The following HERC4 variants were observed in gnomAD, a reference collection of about 807,000 sequenced individuals.
HERC4 encodes the protein HECT and RLD domain containing E3 ubiquitin protein ligase 4, also known as probable E3 ubiquitin-protein ligase HERC4.
HERC4 carries 28 observed loss-of-function variants against 124.3 expected under a neutral mutation model. The observed-to-expected ratio is 0.23, with a 90% CI of 0.17 to 0.31. HERC4 has a LOEUF of 0.31. Among genes scored for constraint, HERC4 ranks in the 10% least tolerant of loss-of-function variants. The pLI, the probability that HERC4 is intolerant of heterozygous loss-of-function variation, is 1.00. For synonymous variants in HERC4, 407 were observed against 421.5 expected, an observed-to-expected ratio of 0.97 and a Z score of 0.42; for missense variants, 713 against 1,229.3, an observed-to-expected ratio of 0.58 and a Z score of 6.28.
At chr10:67,970,629 A>G (rs1016669167) in intron 15 of HERC4, among the ~76,000 whole-genome samples, 2 of 151,984 alleles carry the variant, frequency 1.3e-5, no homozygotes. Flanking sequence ...ACAAAACAAA[A>G]AAGTGTCTAG....
At chr10:68,023,854 G>C (rs879236597) in intron 8 of HERC4, among the ~76,000 whole-genome samples, 2 of 151,996 alleles carry the variant, frequency 1.3e-5, no homozygotes, top group Non-Finnish European at 2.9e-5. Context: ...CATGTAAAAG[G>C]CAACACTATG....
intron 9 of HERC4, among the ~76,000 whole-genome samples, chr10:68,000,236 G>C (rs1455831198): frequency 6.6e-6 from 1 of 152,084 alleles, no homozygotes; most frequent in African/African-American, 2.4e-5. Context: ...GTAAAGATTA[G>C]CTCAGCAGGT....
chr10:67,937,432 A>G (rs1401956732), intron 21 of HERC4, among the ~76,000 whole-genome samples: 5 of 152,180 alleles, frequency 3.3e-5, no homozygotes, highest in African/African-American at 1.2e-4. Context: ...ATATAGTAAG[A>G]ATTCACAAAT....
chr10:68,057,771 A>G (rs1395611297), intron 3 of HERC4, among the ~76,000 whole-genome samples: 1 of 151,776 alleles, frequency 6.6e-6, no homozygotes, highest in African/African-American at 2.4e-5. Context: ...CAGTGGTGCA[A>G]TCACTGCAAC....
At chr10:67,982,630 T>C (rs2035999441) in intron 15 of HERC4, among the ~76,000 whole-genome samples, 1 of 152,030 alleles carries the variant, frequency 6.6e-6, no homozygotes, top group African/African-American at 2.4e-5. Context: ...CGGGATTACA[T>C]TAAATTAAAA....
At chr10:67,996,672 T>A (rs182561736) in intron 9 of HERC4, among the ~76,000 whole-genome samples, 1 of 152,138 alleles carries the variant, frequency 6.6e-6, no homozygotes, top group African/African-American at 2.4e-5. Flanking sequence ...ATAGAAAACA[T>A]CTTAGTATTA....
chr10:68,044,830 C>T (rs1442302479), intron 3 of HERC4, among the ~76,000 whole-genome samples: 1 of 151,754 alleles, frequency 6.6e-6, no homozygotes, highest in African/African-American at 2.4e-5. Context: ...GTGACCTGAA[C>T]ATTTTGGGAA....
chr10:68,067,796 T>G (rs919292761), intron 3 of HERC4: 13 of 152,170 alleles, frequency 8.5e-5, no homozygotes, highest in African/African-American at 3.1e-4. Flanking sequence ...GAGTTCAACA[T>G]AAACCACAAT....
At chr10:67,970,721 G>C (rs2035185122) in intron 15 of HERC4, among the ~76,000 whole-genome samples, 1 of 151,836 alleles carries the variant, frequency 6.6e-6, no homozygotes, top group Non-Finnish European at 1.5e-5. Flanking sequence ...AAAATATTTT[G>C]AACTTAAAAG....
At chr10:67,972,660 G>C (rs978941492) in intron 15 of HERC4, among the ~76,000 whole-genome samples, 2 of 150,108 alleles carry the variant, frequency 1.3e-5, no homozygotes, top group African/African-American at 2.5e-5. Context: ...CTTTGAGAAA[G>C]AGAAGGAATA....
chr10:68,073,974 G>A (rs1033183084), intron 1 of HERC4: 1 of 151,816 alleles, frequency 6.6e-6, no homozygotes, highest in African/African-American at 2.4e-5. Context: ...GTGGTAACCG[G>A]GATTAAAAAA....
chr10:67,981,977 G>A (rs2035959805), intron 15 of HERC4, among the ~76,000 whole-genome samples: 1 of 152,034 alleles, frequency 6.6e-6, no homozygotes, highest in Admixed American at 6.6e-5. Context: ...CAAAGAAATT[G>A]AAGAGGACAC....
At chr10:67,962,004 G>A (rs1026885830) in intron 16 of HERC4, among the ~76,000 whole-genome samples, 1 of 152,018 alleles carries the variant, frequency 6.6e-6, no homozygotes, top group Non-Finnish European at 1.5e-5. Context: ...AATATAAAAG[G>A]AACATCTGAA....
intron 22 of HERC4, among the ~76,000 whole-genome samples, chr10:67,934,521 CTG>C (rs2132061674): frequency 6.6e-6 from 1 of 152,032 alleles, no homozygotes; most frequent in African/African-American, 2.4e-5. Context: ...TTTTTTAATC[CTG>C]TGTCTTCCTC....
intron 3 of HERC4, 83 bp from the exon 4 acceptor site, chr10:68,044,646 A>G: frequency 8.0e-7 from 1 of 1,246,350 alleles, no homozygotes; most frequent in Non-Finnish European, 1.1e-6. Flanking sequence ...TGAACTTCCA[A>G]TAAGAACAAA....
Position 67,922,175 on chromosome 10 carries a change from CT to C in HERC4, c.*755del, listed in dbSNP as rs1326266192. ...TTGGTGCTCATAGTAGCCAATGTTT[CT>C]TTTTATTACTGGCAACTGTGGAGAC... is the stretch of plus-strand genomic sequence containing the variant. On this transcript the variant is annotated 3_prime_UTR_variant, in exon 25 of 25. Coordinates refer to ENST00000373700, the MANE Select transcript of HERC4 (RefSeq NM_015601.4). 1 of 152,112 alleles carries C rather than the reference CT, an allele frequency of 6.6e-6. No homozygotes were observed. The highest frequency in any genetic ancestry group is 1.5e-5 in the Non-Finnish European group (1 of 68,002). The allele number at this position is 152,112 out of a possible 1,614,324, so 9.4% of individuals were successfully genotyped here.
chr10:67,990,470 AGGAAGGC>A, intron 13 of HERC4, 70 bp from the exon 14 acceptor site: 1 of 1,028,674 alleles, frequency 9.7e-7, no homozygotes, highest in Non-Finnish European at 1.3e-6. Context: ...AAAAAAAAAA[AGGAAGGC>A]AGGAAGAAAA....
chr10:67,930,882 G>T (rs556034118), intron 23 of HERC4, among the ~76,000 whole-genome samples: 3 of 152,248 alleles, frequency 2.0e-5, no homozygotes, highest in East Asian at 1.9e-4. Context: ...GTTTCACCAT[G>T]TTGGCCAGGC....
chr10:68,020,615 A>G (rs1359038352), intron 8 of HERC4, among the ~76,000 whole-genome samples: 1 of 151,884 alleles, frequency 6.6e-6, no homozygotes, highest in Non-Finnish European at 1.5e-5. Context: ...TAAAAATACA[A>G]AAAATTAGCC....
Sources: allele counts gnomAD v4.1 joint callset (sites outside exome capture counted in the v4.1 genomes callset), GRCh38; gene constraint gnomAD v4.1.1; transcripts MANE v1.5; gene names NCBI Gene and HGNC (gene_info 2026-07-23, HGNC 2026-07-21).